CHORDC1: variants seen among roughly 807,000 people sequenced by gnomAD.
CHORDC1 encodes cysteine and histidine rich domain containing 1, also known as cysteine and histidine-rich domain-containing protein 1.
CHORDC1 carries 25 observed loss-of-function variants against 48.3 expected under a neutral mutation model. The ratio of observed to expected loss-of-function variants is 0.52; its 90% CI spans 0.38 to 0.72. CHORDC1 has a LOEUF of 0.72. Among genes scored for constraint, CHORDC1 ranks in the 30% least tolerant of loss-of-function variants. The probability of loss-of-function intolerance (pLI) is 0.00; values close to 1 mark genes in which losing one functional copy is unlikely to be tolerated. For missense variants in CHORDC1, 317 were observed against 388.7 expected (o/e 0.82, Z 1.55); for synonymous variants, 128 against 126.4 (o/e 1.01, Z -0.09).
rs1358325717 is a variant in CHORDC1, at chr11:90,210,593, TTCTG to T, written c.434-3_434del. ...CAATCTTAATTTCATCATTGTCTTC[TTCTG>T]TAACAAAGAAAAAAAAATCAAATTA... On this transcript the variant is annotated splice_acceptor_variant and splice_polypyrimidine_tract_variant and coding_sequence_variant and intron_variant, in exon 6 of 11. Coordinates refer to ENST00000320585, the MANE Select transcript of CHORDC1 (RefSeq NM_012124.3). LOFTEE classifies it high-confidence loss of function. The T allele has an allele frequency of 1.3e-6, 2 of 1,571,852 alleles. No homozygotes were observed. The highest frequency in any genetic ancestry group is 1.7e-6 in the Non-Finnish European group (2 of 1,146,944).
At chr11:90,222,664 T>G (rs1858202464) in intron 1 of CHORDC1, 1 of 693,228 alleles carries the variant, frequency 1.4e-6, no homozygotes, top group East Asian at 2.7e-5. Flanking sequence ...CTCTCCGCAG[T>G]GGCAGAGGAC....
intron 7 of CHORDC1, 161 bp from the exon 8 acceptor site, chr11:90,205,726 G>A (rs1250113744): frequency 1.2e-5 from 7 of 577,500 alleles, no homozygotes; most frequent in South Asian, 2.3e-5. Context: ...CAGTATATCA[G>A]GAAGAATGTG....
rs770929098 is a variant in CHORDC1 at position 90,210,636 on chromosome 11, G to T, written c.434-42C>A. 4.4e-5 allele frequency: 55 copies of T among 1,254,908 alleles called. No homozygotes were observed. In the South Asian group the frequency reaches 6.7e-4, roughly 15 times the overall value. The allele number at this position is 1,254,908 out of a possible 1,614,324, so 77.7% of individuals were successfully genotyped here. A position where few individuals can be genotyped will look rare whatever the true frequency, so the allele number is the denominator to read the frequency against. Reference sequence around the variant, plus strand: ...AAAATCAAATTAAAAAGTTAAAATAGAACTTCGCTGTGGCATCATTCTTAA... The same window carrying T: ...AAAATCAAATTAAAAAGTTAAAATATAACTTCGCTGTGGCATCATTCTTAA... On this transcript the variant is annotated intron_variant, in intron 5 of 10. Transcript: ENST00000320585.
intron 6 of CHORDC1, chr11:90,206,728 G>C (rs967588635): frequency 5.7e-6 from 7 of 1,228,656 alleles, no homozygotes; most frequent in Non-Finnish European, 7.5e-6. Flanking sequence ...TCCCTATAAA[G>C]GGTAAAATGA....
At chr11:90,213,963 T>C (rs776903534) in intron 4 of CHORDC1, 55 bp downstream of exon 4, 6 of 1,404,320 alleles carry the variant, frequency 4.3e-6, no homozygotes, top group Non-Finnish European at 5.9e-6. Context: ...GAAAGTACCA[T>C]GCACAAGTGC....
intron 4 of CHORDC1, 167 bp downstream of exon 4, chr11:90,213,851 A>C: frequency 1.7e-6 from 1 of 574,980 alleles, no homozygotes; most frequent in South Asian, 2.6e-5. Context: ...CTCAAGTTGA[A>C]GAGAAATAAA....
chr11:90,222,145 CA>C (rs1858186941), intron 1 of CHORDC1, among the ~76,000 whole-genome samples: 1 of 152,228 alleles, frequency 6.6e-6, no homozygotes, highest in African/African-American at 2.4e-5. Flanking sequence ...TCCCGTCCTT[CA>C]CCTAATAGTC....
chr11:90,218,529 T>C (rs1591061081), intron 1 of CHORDC1, among the ~76,000 whole-genome samples: 3 of 152,358 alleles, frequency 2.0e-5, no homozygotes, highest in South Asian at 4.1e-4. Context: ...CTTTTACAAA[T>C]GTACTATCAA....
chr11:90,219,559 G>A (rs1246690326), intron 1 of CHORDC1, among the ~76,000 whole-genome samples: 1 of 152,200 alleles, frequency 6.6e-6, no homozygotes, highest in Non-Finnish European at 1.5e-5. Context: ...GTCCCACCCA[G>A]GGCGGAAAAA....
At chr11:90,206,922 G>A (rs1208154371) in intron 6 of CHORDC1, 1 of 422,916 alleles carries the variant, frequency 2.4e-6, no homozygotes, top group Non-Finnish European at 4.3e-6. Flanking sequence ...AAAATTCTGT[G>A]TTTATCTTTT....
At chr11:90,211,584 C>T (rs989868101) in intron 4 of CHORDC1, 57 of 286,404 alleles carry the variant, frequency 2.0e-4, no homozygotes, top group Middle Eastern at 1.1e-3. Context: ...GTTGCACTAA[C>T]GAGAAAGGAA....
chr11:90,201,841 T>C lies in CHORDC1; in HGVS notation c.*564A>G, dbSNP rs1857551466. On this transcript the variant is annotated 3_prime_UTR_variant, in exon 11 of 11. Coordinates refer to ENST00000320585, the MANE Select transcript of CHORDC1 (RefSeq NM_012124.3). ...CATAATTTAAAAATTCAAGTAGTTGTAAACAAATTCTAATTTGTTAAACAA... is the reference window on the plus strand; with the variant it reads ...CATAATTTAAAAATTCAAGTAGTTGCAAACAAATTCTAATTTGTTAAACAA... The C allele has an allele frequency of 6.6e-6, 1 of 152,448 alleles. No individual in the cohort carries two copies. Among genetic ancestry groups the C allele is most frequent in the Non-Finnish European group, 1.5e-5 (1 of 67,940 alleles). The allele number at this position is 152,448 out of a possible 1,614,324, so 9.4% of individuals were successfully genotyped here. A position where few individuals can be genotyped will look rare whatever the true frequency, so the allele number is the denominator to read the frequency against.
intron 9 of CHORDC1, 50 bp from the exon 10 acceptor site, chr11:90,202,925 T>C (rs3758757): frequency 0.45 from 691,497 of 1,528,202 alleles, 159,131 homozygotes; most frequent in East Asian, 0.61. Context: ...TGAAGATTTA[T>C]GCTATCAAAC....
chr11:90,211,237 T>C lies in CHORDC1; in HGVS notation c.411A>G (p.Ser137=). Residue 137 remains serine, a synonymous_variant, in exon 5 of 11, where the codon TCA becomes TCG. Coordinates refer to ENST00000320585, the MANE Select transcript of CHORDC1 (RefSeq NM_012124.3). ...KQALDKLKLS[S]GNEENKKEED... Reference sequence around the variant, plus strand: ...TACCTTTCTTATTTTCTTCATTCCCTGATGACAGTTTAAGTTTATCAAGTG... The same window carrying C: ...TACCTTTCTTATTTTCTTCATTCCCCGATGACAGTTTAAGTTTATCAAGTG... 1 of 1,588,860 alleles carries C rather than the reference T, an allele frequency of 6.3e-7. No individual in the cohort carries two copies.
intron 7 of CHORDC1, chr11:90,205,856 C>T (rs1857666371): frequency 4.5e-6 from 2 of 446,124 alleles, no homozygotes; most frequent in African/African-American, 2.0e-5. Context: ...ATAATGTTGT[C>T]TTAGTGCCCC....
intron 2 of CHORDC1, among the ~76,000 whole-genome samples, chr11:90,215,591 T>C (rs1214487020): frequency 6.6e-6 from 1 of 151,624 alleles, no homozygotes; most frequent in Non-Finnish European, 1.5e-5. Flanking sequence ...TAAGTATAGG[T>C]ATTTTACTTT....
At chr11:90,206,067 G>C (rs952041306) in intron 7 of CHORDC1, 135 bp downstream of exon 7, 1 of 677,248 alleles carries the variant, frequency 1.5e-6, no homozygotes, top group Non-Finnish European at 2.7e-6. Flanking sequence ...GTTTGTGTAG[G>C]CTATTGTGAA....
Position 90,215,244 on chromosome 11 carries a change from G to A in CHORDC1, c.115-14C>T, listed in dbSNP as rs868035539. On this transcript the variant is annotated splice_polypyrimidine_tract_variant and intron_variant, in intron 2 of 10. Coordinates refer to ENST00000320585, the MANE Select transcript of CHORDC1 (RefSeq NM_012124.3). ...GCAAGACCAACCCTATGAAAAACAAGAGAAGGAAACTAAAAACTCTATTTG... is the reference window on the plus strand; with the variant it reads ...GCAAGACCAACCCTATGAAAAACAAAAGAAGGAAACTAAAAACTCTATTTG... 6 of 1,533,284 alleles carry A rather than the reference G, an allele frequency of 3.9e-6. No homozygotes were observed. The African/African-American group carries it at 7.0e-5, about 18-fold the overall frequency. 95.0% of individuals were successfully genotyped at this position (1,533,284 alleles called of 1,614,324 possible). A position where few individuals can be genotyped will look rare whatever the true frequency, so the allele number is the denominator to read the frequency against.
chr11:90,207,452 A>C (rs1444775868), intron 6 of CHORDC1: 4 of 152,216 alleles, frequency 2.6e-5, no homozygotes, highest in Non-Finnish European at 4.4e-5. Flanking sequence ...GAACATGGAA[A>C]GCACTAGTCA....
Sources: allele counts gnomAD v4.1 joint callset (sites outside exome capture counted in the v4.1 genomes callset), GRCh38; gene constraint gnomAD v4.1.1; transcripts MANE v1.5; gene names NCBI Gene and HGNC (gene_info 2026-07-23, HGNC 2026-07-21).